VCL: variants seen among roughly 807,000 people sequenced by gnomAD.
VCL encodes epididymis luminal protein 114.
VCL carries 47 observed loss-of-function variants against 125.7 expected under a neutral mutation model. The observed-to-expected ratio is 0.37, with a 90% CI of 0.30 to 0.48. The LOEUF (loss-of-function observed/expected upper bound fraction) is 0.48. VCL is among the 20% of genes least tolerant of loss of function. The pLI is 0.99. For synonymous variants in VCL, 458 were observed against 514.6 expected (o/e 0.89, Z 1.49); for missense variants, 1,069 against 1,455.5 (o/e 0.73, Z 4.32).
At chr10:74,102,923 G>T (rs935392614) in intron 14 of VCL, among the ~76,000 whole-genome samples, 2 of 151,840 alleles carry the variant, frequency 1.3e-5, no homozygotes, top group Non-Finnish European at 2.9e-5. Context: ...CTGGAGTGCA[G>T]TGGCATGATC....
At chr10:74,006,286 T>C (rs976801304) in intron 1 of VCL, among the ~76,000 whole-genome samples, 3 of 152,224 alleles carry the variant, frequency 2.0e-5, no homozygotes, top group African/African-American at 7.2e-5. Flanking sequence ...TAAATTTTAA[T>C]GGAACCACAA....
chr10:74,097,434 CTG>C lies in VCL; in HGVS notation c.1872+104_1872+105del. ...GACATCAGGATCAGTGGTTGGGAAA[CTG>C]TAGATGAAGGGTGGAAGAGCAGAAC... On this transcript the variant is annotated intron_variant, in intron 13 of 21. Coordinates refer to ENST00000211998, the MANE Select transcript of VCL (RefSeq NM_014000.3). The surrounding 1 kb of genome is among the most constrained non-coding windows in gnomAD (Gnocchi z 4.1). The C allele has an allele frequency of 6.5e-7, 1 of 1,548,086 alleles. No individual in the cohort carries two copies. Among genetic ancestry groups the C allele is most frequent in the Non-Finnish European group, 8.8e-7 (1 of 1,138,924 alleles).
intron 2 of VCL, among the ~76,000 whole-genome samples, chr10:74,068,602 C>T (rs555418223): frequency 1.3e-5 from 2 of 152,128 alleles, no homozygotes; most frequent in East Asian, 1.9e-4. Context: ...TGGGATTACA[C>T]GTGTGAGCCA....
At chr10:74,102,970 G>T (rs755256998) in intron 14 of VCL, among the ~76,000 whole-genome samples, 1 of 151,970 alleles carries the variant, frequency 6.6e-6, no homozygotes, top group Non-Finnish European at 1.5e-5. Context: ...GGGTTCAAGC[G>T]ATTCTCTTGC....
chr10:74,074,645 A>C, intron 5 of VCL, 98 bp from the exon 6 acceptor site: 1 of 1,435,620 alleles, frequency 7.0e-7, no homozygotes, highest in Non-Finnish European at 9.5e-7. Flanking sequence ...TAGGATCTTA[A>C]AAGCCCAAAA....
intron 2 of VCL, among the ~76,000 whole-genome samples, chr10:74,044,406 G>C (rs1841157485): frequency 6.6e-6 from 1 of 152,160 alleles, no homozygotes; most frequent in South Asian, 2.1e-4. Flanking sequence ...TTTCCAAAAA[G>C]GTGTTTGAAG....
chr10:74,034,277 C>A (rs912159621), intron 1 of VCL, among the ~76,000 whole-genome samples: 1 of 152,102 alleles, frequency 6.6e-6, no homozygotes, highest in Non-Finnish European at 1.5e-5. Context: ...CATGATGTGG[C>A]CCCTTTCTGC....
chr10:74,017,505 C>A (rs1840571506), intron 1 of VCL, among the ~76,000 whole-genome samples: 2 of 151,248 alleles, frequency 1.3e-5, no homozygotes, highest in Admixed American at 1.3e-4. Flanking sequence ...GAGGCCTGAA[C>A]TCTGTCTCTG....
At chr10:74,077,816 C>T in intron 6 of VCL, 1 of 445,784 alleles carries the variant, frequency 2.2e-6, no homozygotes, top group South Asian at 1.6e-5. Flanking sequence ...AGAGGCAATG[C>T]AATAACTGAT....
chr10:74,104,547 C>T (rs1183956831), intron 15 of VCL, among the ~76,000 whole-genome samples: 1 of 151,986 alleles, frequency 6.6e-6, no homozygotes, highest in African/African-American at 2.4e-5. Context: ...TCCATGGCAG[C>T]CCGAGATGAA....
intron 14 of VCL, 29 bp downstream of exon 14, chr10:74,101,126 G>T (rs577804691): frequency 6.8e-6 from 11 of 1,607,956 alleles, no homozygotes; most frequent in Middle Eastern, 1.7e-4. Flanking sequence ...CTCATACAGT[G>T]TTCAGTAAAG....
At chr10:74,003,680 A>C (rs1840269376) in intron 1 of VCL, among the ~76,000 whole-genome samples, 1 of 152,150 alleles carries the variant, frequency 6.6e-6, no homozygotes, top group South Asian at 2.1e-4. Flanking sequence ...TAGCAGTATT[A>C]TCTTCACTTT....
chr10:74,081,411 A>T (rs1213193750), intron 6 of VCL, among the ~76,000 whole-genome samples: 4 of 152,146 alleles, frequency 2.6e-5, no homozygotes, highest in African/African-American at 9.7e-5. Context: ...GTGGAAAACT[A>T]GTGGTGCAAC....
chr10:74,067,012 A>G (rs575646061), intron 2 of VCL, among the ~76,000 whole-genome samples: 1 of 152,316 alleles, frequency 6.6e-6, no homozygotes, highest in East Asian at 1.9e-4. Flanking sequence ...TGTTTGAATT[A>G]AAATTTATAC....
intron 2 of VCL, among the ~76,000 whole-genome samples, chr10:74,050,412 T>C (rs1025428931): frequency 6.6e-5 from 10 of 152,224 alleles, no homozygotes; most frequent in African/African-American, 2.4e-4. Flanking sequence ...AGAACAGTTA[T>C]GGTATTTACT....
At position 73,998,157 on chromosome 10, in the gene VCL, T is replaced by A; in HGVS notation, c.-51T>A. ...GTCTCTTCGCCGGTTCCCGGCCCCGTGGATCCTACTTCTCTGTCGCCCGCG... is the reference window on the plus strand; with the variant it reads ...GTCTCTTCGCCGGTTCCCGGCCCCGAGGATCCTACTTCTCTGTCGCCCGCG... On this transcript the variant is annotated 5_prime_UTR_variant, in exon 1 of 22. Transcript: ENST00000211998. 1 of 1,595,724 alleles carries A rather than the reference T, an allele frequency of 6.3e-7. No homozygotes were observed. The highest frequency in any genetic ancestry group is 8.5e-7 in the Non-Finnish European group (1 of 1,171,402).
In VCL at chr10:74,097,475, C is replaced by T. The variant is rs1839989398; in HGVS notation, c.1872+143C>T. ...GAAGAGCAGAACAGGGAAAGCCCTA[C>T]CACCTCTACTTTTAGTCTCCACGTA... is the stretch of plus-strand genomic sequence containing the variant. On this transcript the variant is annotated intron_variant, in intron 13 of 21. Coordinates refer to ENST00000211998, the MANE Select transcript of VCL (RefSeq NM_014000.3). This position sits in a 1 kb window ranked among gnomAD's most constrained non-coding sequence, Gnocchi z 4.1. 1 of 1,231,944 alleles carries T rather than the reference C, an allele frequency of 8.1e-7. No homozygotes were observed. Among genetic ancestry groups the T allele is most frequent in the Non-Finnish European group, 1.2e-6 (1 of 860,848 alleles). 76.3% of individuals were successfully genotyped at this position (1,231,944 alleles called of 1,614,324 possible). A position where few individuals can be genotyped will look rare whatever the true frequency, so the allele number is the denominator to read the frequency against.
intron 16 of VCL, among the ~76,000 whole-genome samples, chr10:74,106,778 T>A (rs769052598): frequency 1.3e-4 from 20 of 152,168 alleles, no homozygotes; most frequent in Non-Finnish European, 2.8e-4. Flanking sequence ...CAGCTCAGCA[T>A]AAGGGTTAAC....
At chr10:74,010,171 C>T (rs540358751) in intron 1 of VCL, among the ~76,000 whole-genome samples, 5 of 152,250 alleles carry the variant, frequency 3.3e-5, no homozygotes, top group East Asian at 1.9e-4. Context: ...GTGATCCATC[C>T]GCCTCGGATT....
Sources: gnomAD v4.1 joint callset for allele counts (sites outside exome capture counted in the v4.1 genomes callset) on GRCh38, gnomAD v4.1.1 for gene constraint, Gnocchi (gnomAD v3.1) non-coding constraint, MANE v1.5 for transcripts, NCBI Gene and HGNC (gene_info 2026-07-23, HGNC 2026-07-21) for gene names.